Variants in WDR41 observed in about 807,000 individuals in gnomAD.
WDR41 encodes WD repeat-containing protein 41.
WDR41 carries 63 observed loss-of-function variants against 69.3 expected under a neutral mutation model. The ratio of observed to expected loss-of-function variants is 0.91; its 90% CI spans 0.74 to 1.12. The LOEUF (loss-of-function observed/expected upper bound fraction) is 1.12, where lower values mean the gene tolerates loss of function less well. Ranked by LOEUF, WDR41 falls within the 50% of genes most tolerant of loss-of-function variation. The probability of loss-of-function intolerance (pLI) is 0.00; values close to 1 mark genes in which losing one functional copy is unlikely to be tolerated. For missense variants in WDR41, 543 were observed against 534.5 expected, an observed-to-expected ratio of 1.02 and a Z score of -0.16; for synonymous variants, 185 against 192.1, an observed-to-expected ratio of 0.96 and a Z score of 0.31.
chr5:77,522,684 T>C (rs1802388024), intron 1 of WDR41, among the ~76,000 whole-genome samples: 1 of 151,644 alleles, frequency 6.6e-6, no homozygotes, highest in African/African-American at 2.4e-5. Flanking sequence ...CAAGAAATAG[T>C]AAGAAGGCCA....
chr5:77,541,182 G>A (rs1166044980), intron 1 of WDR41, among the ~76,000 whole-genome samples: 1 of 152,074 alleles, frequency 6.6e-6, no homozygotes, highest in Non-Finnish European at 1.5e-5. Flanking sequence ...TAAAATGGGA[G>A]AAAATTTTTG....
chr5:77,453,695 T>C (rs1391106958), intron 6 of WDR41, 122 bp downstream of exon 6: 19 of 715,806 alleles, frequency 2.7e-5, no homozygotes. Flanking sequence ...ACCTGTTATC[T>C]TCAGAACTGA....
chr5:77,462,383 T>C (rs1189516483), intron 4 of WDR41, among the ~76,000 whole-genome samples: 2 of 122,184 alleles, frequency 1.6e-5, no homozygotes, highest in African/African-American at 6.5e-5. Context: ...CACTCCAGCC[T>C]GGGCAATAAG....
At chr5:77,450,954 A>G (rs10051210) in intron 7 of WDR41, among the ~76,000 whole-genome samples, 7,520 of 152,248 alleles carry the variant, frequency 0.049, 337 homozygotes, top group Admixed American at 0.13. Flanking sequence ...AAGGTTTTTC[A>G]GTCAATAGAA....
chr5:77,535,916 G>T (rs1201864607), intron 1 of WDR41, among the ~76,000 whole-genome samples: 1 of 152,120 alleles, frequency 6.6e-6, no homozygotes. Flanking sequence ...AGTGCATATT[G>T]TTTTTCTTTC....
intron 1 of WDR41, among the ~76,000 whole-genome samples, chr5:77,611,828 C>T (rs939645808): frequency 1.3e-5 from 2 of 151,546 alleles, no homozygotes; most frequent in Non-Finnish European, 2.9e-5. Flanking sequence ...ACAAAAAACC[C>T]TTCAAAAAAT....
chr5:77,458,185 T>A (rs1799907578), intron 5 of WDR41, among the ~76,000 whole-genome samples: 1 of 152,114 alleles, frequency 6.6e-6, no homozygotes, highest in Admixed American at 6.6e-5. Flanking sequence ...AATCCACTGT[T>A]AAGTTAGATA....
At chr5:77,446,801 A>G (rs771555320) in intron 8 of WDR41, among the ~76,000 whole-genome samples, 3 of 152,164 alleles carry the variant, frequency 2.0e-5, no homozygotes, top group Non-Finnish European at 2.9e-5. Context: ...ACTTAATAAG[A>G]CCTAAAACCA....
At chr5:77,560,434 T>C (rs763481999) in intron 1 of WDR41, among the ~76,000 whole-genome samples, 9 of 152,168 alleles carry the variant, frequency 5.9e-5, no homozygotes, top group Non-Finnish European at 1.3e-4. Context: ...GAAAGCTTTT[T>C]CAAACCATGG....
intron 1 of WDR41, among the ~76,000 whole-genome samples, chr5:77,602,290 C>T (rs192017292): frequency 6.6e-6 from 1 of 152,164 alleles, no homozygotes. Context: ...CAGGCATGCG[C>T]CACCACGCCT....
intron 1 of WDR41, among the ~76,000 whole-genome samples, chr5:77,589,818 T>G (rs1744105421): frequency 6.6e-6 from 1 of 152,162 alleles, no homozygotes; most frequent in Non-Finnish European, 1.5e-5. Context: ...TAATATTTAT[T>G]TTTCTTGCCA....
At chr5:77,608,192 C>A (rs904970275) in intron 1 of WDR41, among the ~76,000 whole-genome samples, 1 of 152,198 alleles carries the variant, frequency 6.6e-6, no homozygotes, top group East Asian at 1.9e-4. Flanking sequence ...TTGAGATGAC[C>A]TATTTCATAC....
At chr5:77,512,322 T>C (rs1202857063) in intron 1 of WDR41, among the ~76,000 whole-genome samples, 2 of 93,186 alleles carry the variant, frequency 2.1e-5, no homozygotes, top group African/African-American at 6.0e-5. Flanking sequence ...TGTAATTACA[T>C]GGGGTGAGTG....
intron 1 of WDR41, among the ~76,000 whole-genome samples, chr5:77,618,429 G>A (rs556057505): frequency 4.6e-5 from 7 of 152,072 alleles, no homozygotes; most frequent in South Asian, 2.1e-4. Flanking sequence ...CTAGAGTGCA[G>A]TGGCACGATC....
intron 6 of WDR41, 80 bp downstream of exon 6, chr5:77,453,737 C>T: frequency 8.5e-7 from 1 of 1,173,470 alleles, no homozygotes. Context: ...GACCTTTCTA[C>T]TTATGGAAAG....
intron 2 of WDR41, 79 bp downstream of exon 2, chr5:77,489,378 A>T: frequency 1.3e-6 from 1 of 765,546 alleles, no homozygotes; most frequent in Non-Finnish European, 2.0e-6. Context: ...AAGATGTATT[A>T]ATTTTAAAGG....
At chr5:77,560,594 T>C (rs991129654) in intron 1 of WDR41, among the ~76,000 whole-genome samples, 1 of 152,140 alleles carries the variant, frequency 6.6e-6, no homozygotes, top group Non-Finnish European at 1.5e-5. Flanking sequence ...TGATGAATGA[T>C]GAATATAAAA....
intron 1 of WDR41, among the ~76,000 whole-genome samples, chr5:77,555,454 GCAC>G (rs1304155672): frequency 6.6e-6 from 1 of 152,068 alleles, no homozygotes; most frequent in African/African-American, 2.4e-5. Context: ...GACTACAGGT[GCAC>G]ACCACCACAC....
chr5:77,489,560 G>A lies in WDR41; in HGVS notation c.64C>T (p.Gln22Ter). The change falls in exon 2 of 13, where the codon CAG (glutamine) becomes TAG (stop). Residue 22 changes from glutamine (Q) to a stop codon, truncating the protein, a stop_gained. Transcript: ENST00000296679. LOFTEE classifies it high-confidence loss of function. ...PQGLAEKSPL[Q>*]TIGEEQTQNP... is the part of the protein sequence containing the mutation. Reference sequence around the variant, plus strand: ...TGGGTTTGTTCTTCACCTATTGTCTGTAAAGGAGATTTCTTGTATTGAAAA... The same window carrying A: ...TGGGTTTGTTCTTCACCTATTGTCTATAAAGGAGATTTCTTGTATTGAAAA... 1.4e-6 allele frequency: 2 copies of A among 1,472,854 alleles called. No homozygotes were observed. The highest frequency in any genetic ancestry group is 1.8e-6 in the Non-Finnish European group (2 of 1,082,010). The allele number at this position is 1,472,854 out of a possible 1,614,324, so 91.2% of individuals were successfully genotyped here.
Sources: gnomAD v4.1 joint callset for allele counts (sites outside exome capture counted in the v4.1 genomes callset) on GRCh38, gnomAD v4.1.1 for gene constraint, MANE v1.5 for transcripts, NCBI Gene and HGNC (gene_info 2026-07-23, HGNC 2026-07-21) for gene names.